Variants in PIK3C2A observed in about 807,000 individuals in gnomAD.
PIK3C2A encodes the protein phosphatidylinositol-4-phosphate 3-kinase catalytic subunit type 2 alpha, also known as phosphatidylinositol 4-phosphate 3-kinase C2 domain-containing subunit alpha.
Under a neutral mutation model 204.5 loss-of-function variants are expected in PIK3C2A, and 97 were observed. The observed-to-expected ratio is 0.47, with a 90% CI of 0.40 to 0.56. The LOEUF is 0.56. PIK3C2A is among the 20% of genes least tolerant of loss of function. The pLI is 0.00. For missense variants in PIK3C2A, 1,735 were observed against 1,969.2 expected (o/e 0.88, Z 2.25); for synonymous variants, 653 against 664.4 (o/e 0.98, Z 0.26).
chr11:17,135,195 C>CTGCCTATGACATAATA, intron 9 of PIK3C2A, 36 bp from the exon 10 acceptor site: 2 of 1,604,654 alleles, frequency 1.2e-6, no homozygotes, highest in Non-Finnish European at 1.7e-6. Flanking sequence ...AGTCAGAAAA[C>CTGCCTATGACATAATA]TGCCTATGAC....
chr11:17,185,804 T>C (rs947476780), intron 1 of PIK3C2A, among the ~76,000 whole-genome samples: 4 of 152,202 alleles, frequency 2.6e-5, no homozygotes, highest in African/African-American at 9.6e-5. Context: ...TCTCTTGTTC[T>C]TTCCTGGATT....
chr11:17,145,717 T>G lies in PIK3C2A; in HGVS notation c.1655A>C (p.Glu552Ala). Reference sequence around the variant, plus strand: ...TTGGTTGTGATAAGAATCTAAGAGTTCTTCAACAGGGTGTCTGAAAGAAAC... The same window carrying G: ...TTGGTTGTGATAAGAATCTAAGAGTGCTTCAACAGGGTGTCTGAAAGAAAC... ...KEAMTRHPVE[E>A]LLDSYHNQVE... Residue 552 changes from glutamate to alanine, a missense_variant, in exon 8 of 33, where the codon GAA (glutamate) becomes GCA (alanine). Coordinates refer to ENST00000691414, the MANE Select transcript of PIK3C2A (RefSeq NM_002645.4). The G allele has an allele frequency of 1.2e-6, 2 of 1,607,952 alleles. No homozygotes were observed. Among genetic ancestry groups the G allele is most frequent in the Non-Finnish European group, 1.7e-6 (2 of 1,174,720 alleles).
At chr11:17,154,174 G>C (rs911636045) in intron 3 of PIK3C2A, among the ~76,000 whole-genome samples, 2 of 152,040 alleles carry the variant, frequency 1.3e-5, no homozygotes, top group Non-Finnish European at 2.9e-5. Flanking sequence ...GGAGAAAAAA[G>C]GTAGGTCTCA....
At chr11:17,114,512 T>TCTA (rs747126151) in intron 19 of PIK3C2A, 47 bp from the exon 20 acceptor site, 12 of 873,578 alleles carry the variant, frequency 1.4e-5, no homozygotes, top group Non-Finnish European at 2.1e-5. Context: ...AAAATGAAGA[T>TCTA]CTATTTTTCA....
At chr11:17,115,127 T>C (rs1849136550) in intron 19 of PIK3C2A, among the ~76,000 whole-genome samples, 1 of 151,986 alleles carries the variant, frequency 6.6e-6, no homozygotes, top group South Asian at 2.1e-4. Flanking sequence ...GTTCCTAAAA[T>C]TCATATGAAA....
At chr11:17,164,371 A>G (rs1287951945) in intron 2 of PIK3C2A, among the ~76,000 whole-genome samples, 1 of 151,384 alleles carries the variant, frequency 6.6e-6, no homozygotes, top group Non-Finnish European at 1.5e-5. Flanking sequence ...AAAAAAAAAA[A>G]GACAAACTTC....
At chr11:17,099,600 T>C (rs766572580) in intron 26 of PIK3C2A, among the ~76,000 whole-genome samples, 4 of 152,190 alleles carry the variant, frequency 2.6e-5, no homozygotes, top group Non-Finnish European at 4.4e-5. Context: ...TAGAAAAATA[T>C]GTTTTTATCA....
chr11:17,173,426 G>A (rs1008173313), intron 1 of PIK3C2A, among the ~76,000 whole-genome samples: 8 of 152,272 alleles, frequency 5.3e-5, no homozygotes, highest in East Asian at 3.9e-4. Flanking sequence ...TGCTGTGGCC[G>A]TCTTTGTCAC....
Position 17,155,541 on chromosome 11 carries a change from CA to C in PIK3C2A, c.1153del (p.Cys385ValfsTer7). On this transcript the variant is annotated frameshift_variant, in exon 3 of 33. Coordinates refer to ENST00000691414, the MANE Select transcript of PIK3C2A (RefSeq NM_002645.4). LOFTEE classifies it high-confidence loss of function. ...AATTCCTTACTTTGTAATGGATCGACAAAAAGCTGCCATCTCCTCATTCTGT... is the reference window on the plus strand; with the variant it reads ...AATTCCTTACTTTGTAATGGATCGACAAAAGCTGCCATCTCCTCATTCTGT... ...EVQNEEMAAF[C>X]RSITKLKTKF... 1.9e-6 allele frequency: 3 copies of C among 1,590,796 alleles called. No homozygotes were observed. Among genetic ancestry groups the C allele is most frequent in the South Asian group, 2.3e-5 (2 of 88,386 alleles).
At chr11:17,113,869 C>T (rs1331808036) in intron 20 of PIK3C2A, among the ~76,000 whole-genome samples, 1 of 150,538 alleles carries the variant, frequency 6.6e-6, no homozygotes, top group Non-Finnish European at 1.5e-5. Flanking sequence ...ATCACGAGGT[C>T]AGGAGTTCAA....
Position 17,092,048 on chromosome 11 carries a change from G to A in PIK3C2A, c.4590C>T (p.Phe1530=). The change falls in exon 30 of 33, where the codon TTC becomes TTT. Residue 1530 remains phenylalanine, a synonymous_variant. Coordinates refer to ENST00000691414, the MANE Select transcript of PIK3C2A (RefSeq NM_002645.4). ...DVAECDLVCT[F]FHPLLRDEKA... is the part of the protein sequence containing the mutation. Reference sequence around the variant, plus strand: ...TCTCATCACGAAGTAAAGGGTGGAAGAAAGTACAAACAAGATCACACTAAG... The same window carrying A: ...TCTCATCACGAAGTAAAGGGTGGAAAAAAGTACAAACAAGATCACACTAAG... 17 of 1,609,896 alleles carry A rather than the reference G, an allele frequency of 1.1e-5. No individual in the cohort carries two copies. Among genetic ancestry groups the A allele is most frequent in the Non-Finnish European group, 1.4e-5 (16 of 1,176,224 alleles).
intron 1 of PIK3C2A, among the ~76,000 whole-genome samples, chr11:17,193,188 A>T (rs1852000394): frequency 6.6e-6 from 1 of 152,216 alleles, no homozygotes; most frequent in African/African-American, 2.4e-5. Context: ...CCAGAACTGT[A>T]AGCCAAATAA....
At chr11:17,175,317 T>C (rs185380068) in intron 1 of PIK3C2A, among the ~76,000 whole-genome samples, 10 of 152,336 alleles carry the variant, frequency 6.6e-5, no homozygotes, top group East Asian at 5.8e-4. Flanking sequence ...AGTGAGCTGA[T>C]TGCTACCAGC....
At chr11:17,119,737 C>A in intron 16 of PIK3C2A, 49 bp downstream of exon 16, 1 of 1,177,554 alleles carries the variant, frequency 8.5e-7, no homozygotes, top group Non-Finnish European at 1.2e-6. Context: ...ACATACCTTA[C>A]TGGAAAAACT....
intron 1 of PIK3C2A, among the ~76,000 whole-genome samples, chr11:17,197,825 T>C (rs1335507579): frequency 1.3e-5 from 2 of 152,184 alleles, no homozygotes; most frequent in Non-Finnish European, 2.9e-5. Context: ...CTGTGTTAAA[T>C]GTTATGGTAT....
chr11:17,129,210 T>C (rs1278591537), intron 13 of PIK3C2A, 90 bp downstream of exon 13: 22 of 976,642 alleles, frequency 2.3e-5, no homozygotes, highest in Middle Eastern at 2.2e-4. Context: ...CACTCATCTA[T>C]GTTCCTCCCC....
intron 14 of PIK3C2A, 69 bp from the exon 15 acceptor site, chr11:17,122,402 A>T: frequency 2.1e-6 from 2 of 946,488 alleles, no homozygotes; most frequent in Non-Finnish European, 3.2e-6. Flanking sequence ...CTTTGTCTTT[A>T]AGAAAACAGA....
intron 1 of PIK3C2A, among the ~76,000 whole-genome samples, chr11:17,203,667 G>C (rs1286194438): frequency 1.3e-5 from 2 of 152,082 alleles, no homozygotes; most frequent in Non-Finnish European, 2.9e-5. Context: ...ATAGCCTCTA[G>C]ATCTTTTTTG....
At chr11:17,120,011 T>C (rs745889343) in intron 15 of PIK3C2A, 37 bp from the exon 16 acceptor site, 22 of 903,192 alleles carry the variant, frequency 2.4e-5, no homozygotes, top group Admixed American at 2.1e-4. Flanking sequence ...TTCTCAGTGA[T>C]AACATAATGA....
Sources: gnomAD v4.1 joint callset for allele counts (sites outside exome capture counted in the v4.1 genomes callset) on GRCh38, gnomAD v4.1.1 for gene constraint, MANE v1.5 for transcripts, NCBI Gene and HGNC (gene_info 2026-07-23, HGNC 2026-07-21) for gene names.